Variants in VAT1L observed in about 807,000 individuals in gnomAD.
VAT1L encodes vesicle amine transport 1 like.
Under a neutral mutation model 44.1 loss-of-function variants are expected in VAT1L, and 34 were observed. The ratio of observed to expected loss-of-function variants is 0.77; its 90% confidence interval spans 0.59 to 1.03. VAT1L has a LOEUF of 1.03. VAT1L is among the 50% of genes least tolerant of loss of function. The probability of loss-of-function intolerance (pLI) is 0.00; values close to 1 mark genes in which losing one functional copy is unlikely to be tolerated. For missense variants in VAT1L, 615 were observed against 538.8 expected (o/e 1.14, Z -1.40); for synonymous variants, 253 against 202.2 (o/e 1.25, Z -2.13).
chr16:77,971,686 A>G (rs1482101444), intron 7 of VAT1L, among the ~76,000 whole-genome samples, 164 bp from the exon 8 acceptor site: 4 of 152,162 alleles, frequency 2.6e-5, no homozygotes, highest in Non-Finnish European at 5.9e-5. Flanking sequence ...TGGCCCAACC[A>G]GAATGTAGTT....
intron 7 of VAT1L, among the ~76,000 whole-genome samples, chr16:77,898,881 T>C (rs1298387316): frequency 1.3e-5 from 2 of 152,210 alleles, no homozygotes; most frequent in South Asian, 2.1e-4. Flanking sequence ...ATGCTGGTGT[T>C]TGCATTCCTC....
At position 77,837,494 on chromosome 16, in the gene VAT1L, C is replaced by T. The variant is rs543904657; in HGVS notation, c.579+12033C>T. On this transcript the variant is annotated intron_variant, in intron 3 of 8. Transcript: ENST00000302536. Reference sequence around the variant, plus strand: ...CGTGAAGGCAGGGATGGTGTGAACCCTTCATCCCCTGTATCCCAACCACTG... The same window carrying T: ...CGTGAAGGCAGGGATGGTGTGAACCTTTCATCCCCTGTATCCCAACCACTG... Among the ~76,000 whole-genome samples, 27 of 152,324 alleles carry T rather than the reference C, an allele frequency of 1.8e-4. No individual in the cohort carries two copies. The South Asian group carries it at 5.4e-3, about 30-fold the overall frequency.
chr16:77,830,146 A>T (rs189305251), intron 3 of VAT1L, among the ~76,000 whole-genome samples: 14 of 152,132 alleles, frequency 9.2e-5, no homozygotes, highest in African/African-American at 2.9e-4. Context: ...AGCCACCCTG[A>T]CCTTCTCACT....
At chr16:77,974,430 G>C (rs915238245) in intron 8 of VAT1L, among the ~76,000 whole-genome samples, 1 of 152,128 alleles carries the variant, frequency 6.6e-6, no homozygotes, top group African/African-American at 2.4e-5. Flanking sequence ...CCAAGTCCTC[G>C]GGCTGATAGG....
chr16:77,836,504 T>C (rs1302932882), intron 3 of VAT1L, among the ~76,000 whole-genome samples: 1 of 152,126 alleles, frequency 6.6e-6, no homozygotes, highest in Non-Finnish European at 1.5e-5. Context: ...CTGGAATGAT[T>C]AAGACCCTCT....
At position 77,930,232 on chromosome 16, in the gene VAT1L, G is replaced by A. The variant is rs528308443; in HGVS notation, c.1078-41618G>A. Among the ~76,000 whole-genome samples the A allele has an allele frequency of 3.2e-4, 49 of 152,142 alleles. 1 individual carries two copies. In the Middle Eastern group the frequency reaches 0.017, roughly 53 times the overall value. ...GTTGTTGAGATGAACCACTGAATTC[G>A]ACCCCTAGCCTGTATTGTCTGTCTT... On this transcript the variant is annotated intron_variant, in intron 7 of 8. Coordinates refer to ENST00000302536, the MANE Select transcript of VAT1L (RefSeq NM_020927.3).
intron 7 of VAT1L, among the ~76,000 whole-genome samples, chr16:77,961,985 T>C (rs2142535317): frequency 6.6e-6 from 1 of 152,292 alleles, no homozygotes. Flanking sequence ...TTCTGACTAG[T>C]GTGTCTAGAG....
In VAT1L at chr16:77,876,426, GAAAAGGT is replaced by G; in HGVS notation, c.780_786del (p.Lys261SerfsTer19). 1 of 1,614,162 alleles carries G rather than the reference GAAAAGGT, an allele frequency of 6.2e-7. No homozygotes were observed. Among genetic ancestry groups the G allele is most frequent in the Non-Finnish European group, 8.5e-7 (1 of 1,180,034 alleles). ...GATTGCCTCTGTGGGGACAACACTGGAAAAGGTCTCAGTCTTCTCAAACCCCTGGGAA... is the reference window on the plus strand; with the variant it reads ...GATTGCCTCTGTGGGGACAACACTGGCTCAGTCTTCTCAAACCCCTGGGAA... On this transcript the variant is annotated frameshift_variant, in exon 5 of 9. Transcript: ENST00000302536. LOFTEE classifies it high-confidence loss of function.
At chr16:77,922,846 C>A (rs1250721141) in intron 7 of VAT1L, among the ~76,000 whole-genome samples, 1 of 152,206 alleles carries the variant, frequency 6.6e-6, no homozygotes, top group East Asian at 1.9e-4. Context: ...ATGCCACTCT[C>A]ACTGTGCCAG....
At chr16:77,813,126 GCAAAACAGGGGCATTGA>G (rs2016293274) in intron 1 of VAT1L, among the ~76,000 whole-genome samples, 1 of 151,888 alleles carries the variant, frequency 6.6e-6, no homozygotes, top group Non-Finnish European at 1.5e-5. Flanking sequence ...CTGTAATTGT[GCAAAACAGGGGCATTGA>G]CATGCCCCTG....
intron 7 of VAT1L, among the ~76,000 whole-genome samples, chr16:77,914,858 G>T (rs1183678693): frequency 6.6e-6 from 1 of 152,222 alleles, no homozygotes; most frequent in East Asian, 1.9e-4. Context: ...GGACACGGTG[G>T]TTCACGCCTG....
At chr16:77,903,957 C>T (rs1477469824) in intron 7 of VAT1L, among the ~76,000 whole-genome samples, 5 of 151,746 alleles carry the variant, frequency 3.3e-5, no homozygotes, top group South Asian at 4.2e-4. Flanking sequence ...AGGATGGTCT[C>T]GATCTCATGA....
Position 77,922,868 on chromosome 16 carries a change from G to C in VAT1L, c.1077+38066G>C, listed in dbSNP as rs141155543. On this transcript the variant is annotated intron_variant, in intron 7 of 8. Transcript: ENST00000302536. ...TCTCACTGTGCCAGTGGCCCTCAAA[G>C]TGTGCACTGTGAACCACCTGAGTTG... 3.4e-3 allele frequency among the ~76,000 whole-genome samples: 517 copies of C among 152,288 alleles called. 5 individuals carry two copies. The highest frequency in any genetic ancestry group is 0.011 in the African/African-American group (468 of 41,550).
In VAT1L at chr16:77,800,056, G is replaced by C. The variant is rs1465089634; in HGVS notation, c.233+11141G>C. The C allele has an allele frequency of 4.6e-5, 7 of 152,290 alleles. No individual in the cohort carries two copies. In the East Asian group the frequency reaches 1.3e-3, roughly 29 times the overall value. 9.4% of individuals were successfully genotyped at this position (152,290 alleles called of 1,614,324 possible). On this transcript the variant is annotated intron_variant, in intron 1 of 8. Coordinates refer to ENST00000302536, the MANE Select transcript of VAT1L (RefSeq NM_020927.3). The stretch of plus-strand genomic sequence containing the variant: ...TCATCTCAGCTTTCTCCTACAAGAA[G>C]CTAAATCTCTCCTAAGGCCTCTCAC...
Position 77,912,134 on chromosome 16 carries a change from G to A in VAT1L, c.1077+27332G>A, listed in dbSNP as rs28427186. On this transcript the variant is annotated intron_variant, in intron 7 of 8. Transcript: ENST00000302536. ...ACAGAATGCCTACATTTTACCATGA[G>A]CTGCCTAGAAAGAGTCAAGCCTGAG... 6.9e-3 allele frequency among the ~76,000 whole-genome samples: 1,045 copies of A among 152,254 alleles called. 12 individuals are homozygous for A. Among genetic ancestry groups the A allele is most frequent in the African/African-American group, 0.024 (991 of 41,546 alleles).
chr16:77,869,834 A>G (rs2017012228), intron 4 of VAT1L, among the ~76,000 whole-genome samples: 1 of 152,194 alleles, frequency 6.6e-6, no homozygotes, highest in Admixed American at 6.5e-5. Context: ...CTAATTGTTA[A>G]AATGACTTGA....
In VAT1L at chr16:77,879,465, A is replaced by G. The variant is rs927229140; in HGVS notation, c.882+241A>G. ...GCCACCATACCCAGCTAATTTTTGTATTTGTAGTAGAGACGGGGTTTCACC... is the reference window on the plus strand; with the variant it reads ...GCCACCATACCCAGCTAATTTTTGTGTTTGTAGTAGAGACGGGGTTTCACC... On this transcript the variant is annotated intron_variant, in intron 6 of 8. Coordinates refer to ENST00000302536, the MANE Select transcript of VAT1L (RefSeq NM_020927.3). This position sits in a 1 kb window ranked among gnomAD's most constrained non-coding sequence, Gnocchi z 4.1. 6.6e-6 allele frequency among the ~76,000 whole-genome samples: 1 copy of G among 151,952 alleles called. No individual in the cohort carries two copies. The highest frequency in any genetic ancestry group is 6.6e-5 in the Admixed American group (1 of 15,252).
Position 77,879,483 on chromosome 16 carries a change from G to A in VAT1L, c.882+259G>A, listed in dbSNP as rs893879905. On this transcript the variant is annotated intron_variant, in intron 6 of 8. Transcript: ENST00000302536. This position sits in a 1 kb window ranked among gnomAD's most constrained non-coding sequence, Gnocchi z 4.1. Reference sequence around the variant, plus strand: ...TTTTTGTATTTGTAGTAGAGACGGGGTTTCACCGTGTTGGCCAGGATGGTC... The same window carrying A: ...TTTTTGTATTTGTAGTAGAGACGGGATTTCACCGTGTTGGCCAGGATGGTC... Among the ~76,000 whole-genome samples, 6 of 152,236 alleles carry A rather than the reference G, an allele frequency of 3.9e-5. No homozygotes were observed. The highest frequency in any genetic ancestry group is 2.1e-4 in the South Asian group (1 of 4,822).
intron 7 of VAT1L, among the ~76,000 whole-genome samples, chr16:77,938,983 C>G (rs2017840715): frequency 6.6e-6 from 1 of 152,078 alleles, no homozygotes; most frequent in Non-Finnish European, 1.5e-5. Flanking sequence ...CTTCTGTCTA[C>G]TCCAGGAATG....
Sources: gnomAD v4.1 joint callset for allele counts (sites outside exome capture counted in the v4.1 genomes callset) on GRCh38, gnomAD v4.1.1 for gene constraint, Gnocchi (gnomAD v3.1) non-coding constraint, MANE v1.5 for transcripts, NCBI Gene and HGNC (gene_info 2026-07-23, HGNC 2026-07-21) for gene names.